AKAP19: variants seen among roughly 807,000 people sequenced by gnomAD.
AKAP19 encodes the protein A-kinase anchoring protein 19.
the AKAP19 span, among the ~76,000 whole-genome samples, chr2:190,142,209 T>C: frequency 1.3e-5 from 2 of 152,230 alleles, no homozygotes; most frequent in Admixed American, 1.3e-4. Flanking sequence ...TCTGCCATCC[T>C]GCAAACTCAA....
chr2:189,941,363 T>C, the AKAP19 span, among the ~76,000 whole-genome samples: 1 of 152,278 alleles, frequency 6.6e-6, no homozygotes, highest in East Asian at 1.9e-4. Context: ...GTAACTCCAG[T>C]ATGAAGGCCA....
chr2:189,972,616 A>G, the AKAP19 span, among the ~76,000 whole-genome samples: 2 of 152,192 alleles, frequency 1.3e-5, no homozygotes, highest in Non-Finnish European at 1.5e-5. Context: ...ATCCATGAGC[A>G]TGGAATATTC....
chr2:190,077,340 G>GT, the AKAP19 span, among the ~76,000 whole-genome samples: 2 of 151,742 alleles, frequency 1.3e-5, no homozygotes, highest in African/African-American at 4.8e-5. Context: ...CTCCCGAGTA[G>GT]TTGGGATTAC....
At chr2:190,164,109 T>C in the AKAP19 span, 5 of 152,246 alleles carry the variant, frequency 3.3e-5, no homozygotes, top group African/African-American at 9.6e-5. Context: ...AATCGGTTAA[T>C]TGGTGATTTA....
At chr2:189,902,678 A>C in the AKAP19 span, among the ~76,000 whole-genome samples, 2 of 152,182 alleles carry the variant, frequency 1.3e-5, no homozygotes, top group Non-Finnish European at 2.9e-5. Flanking sequence ...CATCTATATT[A>C]GGTCTCAGAA....
chr2:189,945,144 A>C, the AKAP19 span, among the ~76,000 whole-genome samples: 5 of 152,350 alleles, frequency 3.3e-5, no homozygotes, highest in East Asian at 7.7e-4. Flanking sequence ...AAATGTAGAA[A>C]GACTTCAAAT....
chr2:189,987,274 C>T, the AKAP19 span, among the ~76,000 whole-genome samples: 1 of 152,162 alleles, frequency 6.6e-6, no homozygotes, highest in South Asian at 2.1e-4. Context: ...TTGCTGCCGC[C>T]ATGTAAAGAA....
the AKAP19 span, among the ~76,000 whole-genome samples, chr2:190,140,726 T>A: frequency 6.6e-6 from 1 of 152,132 alleles, no homozygotes; most frequent in South Asian, 2.1e-4. Flanking sequence ...TGGGAGGGGC[T>A]GCTGTGAAGG....
At chr2:189,951,517 A>G in the AKAP19 span, among the ~76,000 whole-genome samples, 1 of 152,058 alleles carries the variant, frequency 6.6e-6, no homozygotes, top group Non-Finnish European at 1.5e-5. Context: ...CTTCCTCTTC[A>G]GTATCTTTGT....
the AKAP19 span, chr2:190,057,440 C>A: frequency 1.2e-6 from 2 of 1,613,482 alleles, no homozygotes; most frequent in Non-Finnish European, 1.7e-6. Flanking sequence ...TGTAAAAATA[C>A]AAATTCACAC....
At chr2:190,116,505 C>T in the AKAP19 span, among the ~76,000 whole-genome samples, 5 of 152,276 alleles carry the variant, frequency 3.3e-5, no homozygotes, top group East Asian at 5.8e-4. Flanking sequence ...CCAACACATG[C>T]CTTTTGGGGG....
chr2:189,896,620 T>C, the AKAP19 span, among the ~76,000 whole-genome samples: 2 of 152,168 alleles, frequency 1.3e-5, no homozygotes, highest in African/African-American at 4.8e-5. Flanking sequence ...GCAAATGATA[T>C]AAAGATGCAT....
the AKAP19 span, among the ~76,000 whole-genome samples, chr2:190,046,617 G>T: frequency 2.0e-5 from 3 of 152,126 alleles, no homozygotes; most frequent in African/African-American, 7.2e-5. Context: ...TGCGTCAGAG[G>T]CACCAGCATC....
chr2:190,178,536 C>T, the AKAP19 span, among the ~76,000 whole-genome samples: 4 of 152,202 alleles, frequency 2.6e-5, no homozygotes, highest in Admixed American at 6.5e-5. This position sits in a 1 kb window ranked among gnomAD's most constrained non-coding sequence, Gnocchi z 6.3. Context: ...GCAGAGGCCA[C>T]GGGCTAGGTC....
the AKAP19 span, among the ~76,000 whole-genome samples, chr2:190,003,171 G>C: frequency 1.2e-3 from 188 of 152,006 alleles, 2 homozygotes; most frequent in Middle Eastern, 0.01. Flanking sequence ...AATTCATACT[G>C]ACCTCTTTTT....
At chr2:190,125,456 T>C in the AKAP19 span, among the ~76,000 whole-genome samples, 572 of 152,290 alleles carry the variant, frequency 3.8e-3, 9 homozygotes, top group African/African-American at 0.013. Flanking sequence ...TGGATCTCCA[T>C]TGGTCTTTAG....
the AKAP19 span, among the ~76,000 whole-genome samples, chr2:190,148,965 T>C: frequency 0.068 from 9,685 of 141,668 alleles, 376 homozygotes; most frequent in Middle Eastern, 0.11. Context: ...TTTTTTTTTT[T>C]TTTTTTTTTT....
the AKAP19 span, among the ~76,000 whole-genome samples, chr2:190,041,746 AGC>A: frequency 6.6e-6 from 1 of 152,072 alleles, no homozygotes; most frequent in Non-Finnish European, 1.5e-5. Flanking sequence ...TTTTATTGAA[AGC>A]CTGTTTTGCA....
the AKAP19 span, among the ~76,000 whole-genome samples, chr2:189,970,055 A>G: frequency 2.0e-5 from 3 of 151,712 alleles, no homozygotes; most frequent in African/African-American, 7.3e-5. Context: ...TTTTATAGAG[A>G]TGGGGTTTCA....
Sources: allele counts gnomAD v4.1 joint callset (sites outside exome capture counted in the v4.1 genomes callset), GRCh38; gene constraint gnomAD v4.1.1; non-coding constraint Gnocchi (gnomAD v3.1); transcripts MANE v1.5; gene names NCBI Gene and HGNC (gene_info 2026-07-23, HGNC 2026-07-21).